The following GABBR2 variants were observed in gnomAD, a reference collection of about 807,000 sequenced individuals.
The protein encoded by GABBR2 is gamma-aminobutyric acid type B receptor subunit 2.
A neutral mutation model predicts 105.6 loss-of-function variants in GABBR2; 23 were observed. The ratio of observed to expected loss-of-function variants is 0.22; its 90% CI spans 0.16 to 0.31. The LOEUF (loss-of-function observed/expected upper bound fraction) is 0.31, where lower values mean the gene tolerates loss of function less well. Ranked by LOEUF, GABBR2 falls within the 10% of genes least tolerant of loss-of-function variation. The probability of loss-of-function intolerance (pLI) is 1.00; values close to 1 mark genes in which losing one functional copy is unlikely to be tolerated. For synonymous variants in GABBR2, 478 were observed against 499.7 expected (o/e 0.96, Z 0.58); for missense variants, 734 against 1,245.5 (o/e 0.59, Z 6.18).
intron 1 of GABBR2, among the ~76,000 whole-genome samples, chr9:98,588,762 G>A (rs1588241087): frequency 1.3e-5 from 2 of 152,172 alleles, no homozygotes; most frequent in Non-Finnish European, 2.9e-5. Context: ...AATTAGGTGT[G>A]ACCACCGAGT....
chr9:98,383,307 C>T (rs893926194), intron 11 of GABBR2, among the ~76,000 whole-genome samples: 1 of 152,204 alleles, frequency 6.6e-6, no homozygotes, highest in African/African-American at 2.4e-5. Context: ...TTGAGAAGCT[C>T]AGCTTCTTTG....
chr9:98,562,585 G>A (rs540987571), intron 2 of GABBR2, among the ~76,000 whole-genome samples: 2 of 152,314 alleles, frequency 1.3e-5, no homozygotes, highest in African/African-American at 4.8e-5. Flanking sequence ...GTGACTGTGT[G>A]AGCGTGTGTG....
chr9:98,356,537 C>G (rs960338791), intron 13 of GABBR2, among the ~76,000 whole-genome samples: 1 of 152,220 alleles, frequency 6.6e-6, no homozygotes, highest in African/African-American at 2.4e-5. Flanking sequence ...TGTGGAGCAA[C>G]AGGAACTCCC....
At chr9:98,447,063 C>CTTTTTTTTTTTTTTTTTTT (rs369338702) in intron 7 of GABBR2, among the ~76,000 whole-genome samples, 8 of 116,358 alleles carry the variant, frequency 6.9e-5, no homozygotes, top group East Asian at 3.6e-4. Context: ...AAAAAGACTT[C>CTTTTTTTTTTTTTTTTTTT]TTTTTTTTTT....
chr9:98,335,941 A>G (rs1831107458), intron 13 of GABBR2, among the ~76,000 whole-genome samples: 1 of 152,192 alleles, frequency 6.6e-6, no homozygotes, highest in South Asian at 2.1e-4. Flanking sequence ...GTGCAAGGCC[A>G]TGGAGAAAGA....
At chr9:98,398,112 T>C (rs897346009) in intron 8 of GABBR2, among the ~76,000 whole-genome samples, 1 of 152,184 alleles carries the variant, frequency 6.6e-6, no homozygotes, top group Admixed American at 6.5e-5. Context: ...TCCAATTTTA[T>C]TTGGGGTGGG....
chr9:98,297,894 G>T (rs924452911), intron 17 of GABBR2, among the ~76,000 whole-genome samples: 1 of 151,380 alleles, frequency 6.6e-6, no homozygotes, highest in Non-Finnish European at 1.5e-5. Flanking sequence ...TGTGGTGGTG[G>T]GCACCTGTAA....
At chr9:98,393,029 CCCA>C (rs1832213705) in intron 9 of GABBR2, among the ~76,000 whole-genome samples, 1 of 123,060 alleles carries the variant, frequency 8.1e-6, no homozygotes, top group Admixed American at 8.3e-5. Flanking sequence ...CATGCATCCA[CCCA>C]TCCATCCATC....
chr9:98,331,055 T>A (rs1340566439), intron 13 of GABBR2, among the ~76,000 whole-genome samples: 1 of 152,212 alleles, frequency 6.6e-6, no homozygotes, highest in Non-Finnish European at 1.5e-5. Context: ...TCAAGGTTCA[T>A]CAACGTTGTA....
intron 1 of GABBR2, among the ~76,000 whole-genome samples, chr9:98,677,402 C>T (rs1440376892): frequency 6.6e-6 from 1 of 152,188 alleles, no homozygotes; most frequent in African/African-American, 2.4e-5. Flanking sequence ...GACAGGTTTA[C>T]AACATCTTAT....
At chr9:98,496,903 G>A (rs1174924899) in intron 3 of GABBR2, among the ~76,000 whole-genome samples, 1 of 152,148 alleles carries the variant, frequency 6.6e-6, no homozygotes, top group Non-Finnish European at 1.5e-5. Flanking sequence ...CACTTTTATG[G>A]TGAGGAAATA....
rs559673339 is a variant in GABBR2 at position 98,424,326 on chromosome 9, G to A, written c.1237-18185C>T. ...TCAATAAATTAGGTATTGATGGGAC[G>A]TATCTCAAAATAATAAGAGCTATCT... On this transcript the variant is annotated intron_variant, in intron 7 of 18. Transcript: ENST00000259455. Among the ~76,000 whole-genome samples the A allele has an allele frequency of 6.6e-5, 10 of 151,862 alleles. No homozygotes were observed. The South Asian group carries it at 1.7e-3, about 25-fold the overall frequency.
At chr9:98,337,276 G>A (rs528749573) in intron 13 of GABBR2, among the ~76,000 whole-genome samples, 131 of 152,264 alleles carry the variant, frequency 8.6e-4, no homozygotes, top group African/African-American at 3.1e-3. Flanking sequence ...ATGCACTCCC[G>A]CCTGGGTGAC....
chr9:98,430,069 A>G (rs981941772), intron 7 of GABBR2, among the ~76,000 whole-genome samples: 1 of 150,704 alleles, frequency 6.6e-6, no homozygotes, highest in African/African-American at 2.4e-5. Flanking sequence ...GGTGGATCAC[A>G]AGGTCAGGAG....
intron 2 of GABBR2, among the ~76,000 whole-genome samples, chr9:98,572,630 T>C (rs112338766): frequency 1.3e-5 from 2 of 151,454 alleles, no homozygotes; most frequent in Admixed American, 6.6e-5. Flanking sequence ...GCTTGGGAGG[T>C]CCACAGAGTC....
At chr9:98,481,787 A>G (rs935233330) in intron 4 of GABBR2, among the ~76,000 whole-genome samples, 2 of 152,220 alleles carry the variant, frequency 1.3e-5, no homozygotes, top group Non-Finnish European at 2.9e-5. Flanking sequence ...ATTTCTAAGG[A>G]AAATCTATTT....
intron 1 of GABBR2, among the ~76,000 whole-genome samples, chr9:98,635,586 C>A (rs1184890438): frequency 1.3e-5 from 2 of 152,126 alleles, no homozygotes; most frequent in Admixed American, 1.3e-4. Flanking sequence ...AGAGGTGTGA[C>A]CGCCTCTTGA....
At chr9:98,425,421 CAT>C (rs1832856991) in intron 7 of GABBR2, among the ~76,000 whole-genome samples, 1 of 152,198 alleles carries the variant, frequency 6.6e-6, no homozygotes, top group South Asian at 2.1e-4. Flanking sequence ...GCTTGGTACA[CAT>C]GTGTTTGTTC....
chr9:98,401,041 G>T (rs1049333078), intron 8 of GABBR2, among the ~76,000 whole-genome samples: 2 of 151,764 alleles, frequency 1.3e-5, no homozygotes, highest in Admixed American at 1.3e-4. Context: ...GGGGGAGAGT[G>T]TAAATCTGGG....
Sources: gnomAD v4.1 joint callset for allele counts (sites outside exome capture counted in the v4.1 genomes callset) on GRCh38, gnomAD v4.1.1 for gene constraint, MANE v1.5 for transcripts, NCBI Gene and HGNC (gene_info 2026-07-23, HGNC 2026-07-21) for gene names.